The following MYO16 variants were observed in gnomAD, a reference collection of about 807,000 sequenced individuals.
MYO16 encodes unconventional myosin-XVI.
MYO16 carries 94 observed loss-of-function variants against 205.3 expected under a neutral mutation model. The ratio of observed to expected loss-of-function variants is 0.46; its 90% CI spans 0.39 to 0.54. MYO16 has a LOEUF of 0.54. MYO16 is among the 20% of genes least tolerant of loss of function. The pLI is 0.00. For missense variants in MYO16, 2,315 were observed against 2,387.5 expected, an observed-to-expected ratio of 0.97 and a Z score of 0.63; for synonymous variants, 988 against 954.0, an observed-to-expected ratio of 1.04 and a Z score of -0.66.
At chr13:108,892,736 A>G (rs764570152) in intron 14 of MYO16, among the ~76,000 whole-genome samples, 4 of 152,244 alleles carry the variant, frequency 2.6e-5, no homozygotes, top group Non-Finnish European at 4.4e-5. Context: ...AAAAGGAACA[A>G]TAGTTTCCCC....
the MYO16 span, among the ~76,000 whole-genome samples, chr13:108,527,069 C>T: frequency 6.6e-5 from 10 of 152,268 alleles, no homozygotes; most frequent in Non-Finnish European, 1.5e-4. Context: ...AGTTAATTAT[C>T]ATGAGGTTGG....
intron 14 of MYO16, among the ~76,000 whole-genome samples, chr13:108,893,454 G>C (rs1382023262): frequency 6.6e-6 from 1 of 150,626 alleles, no homozygotes; most frequent in Non-Finnish European, 1.5e-5. Context: ...AAGGTACGTT[G>C]TTTTGCTTAA....
chr13:108,998,823 G>A (rs534861455), intron 21 of MYO16, among the ~76,000 whole-genome samples: 90 of 152,298 alleles, frequency 5.9e-4, no homozygotes, highest in African/African-American at 2.1e-3. Flanking sequence ...CTCCATGTTG[G>A]TCTCTCCCTA....
intron 34 of MYO16, among the ~76,000 whole-genome samples, chr13:109,193,539 C>T (rs1234853488): frequency 6.6e-6 from 1 of 152,054 alleles, no homozygotes; most frequent in Non-Finnish European, 1.5e-5. Flanking sequence ...TACTGTTACA[C>T]ACGATTAAAT....
chr13:109,011,360 G>C (rs1165516858), intron 22 of MYO16, among the ~76,000 whole-genome samples: 1 of 152,150 alleles, frequency 6.6e-6, no homozygotes, highest in African/African-American at 2.4e-5. Context: ...CCCACCAGGG[G>C]TGTGCGTGTC....
At chr13:108,729,795 TG>T (rs1417237011) in intron 4 of MYO16, among the ~76,000 whole-genome samples, 3,150 of 152,302 alleles carry the variant, frequency 0.021, 105 homozygotes, top group African/African-American at 0.07. Flanking sequence ...TCCTCCATTC[TG>T]AATGTAGCAG....
chr13:108,988,193 G>T (rs1201210656), intron 20 of MYO16, among the ~76,000 whole-genome samples: 2 of 152,146 alleles, frequency 1.3e-5, no homozygotes, highest in African/African-American at 4.8e-5. Context: ...CTGTGGAATA[G>T]GAGTCAGATA....
chr13:109,137,581 T>C (rs1416750294), intron 31 of MYO16, among the ~76,000 whole-genome samples: 1 of 152,202 alleles, frequency 6.6e-6, no homozygotes, highest in Non-Finnish European at 1.5e-5. Flanking sequence ...TTGGGTACTT[T>C]CTATTCTTAA....
intron 1 of MYO16, among the ~76,000 whole-genome samples, chr13:108,638,100 G>T (rs1041544437): frequency 6.6e-6 from 1 of 152,068 alleles, no homozygotes; most frequent in African/African-American, 2.4e-5. Flanking sequence ...TAAATAGGTT[G>T]TTAAGGGAAA....
intron 9 of MYO16, among the ~76,000 whole-genome samples, chr13:108,836,317 CTT>C (rs1365182889): frequency 9.9e-5 from 15 of 152,226 alleles, no homozygotes; most frequent in Admixed American, 9.8e-4. Context: ...ATTTGGGAAA[CTT>C]AGCCTAGACT....
chr13:109,190,383 A>G (rs1309106742), intron 34 of MYO16, among the ~76,000 whole-genome samples: 1 of 152,220 alleles, frequency 6.6e-6, no homozygotes, highest in South Asian at 2.1e-4. Context: ...CACCTCAGTG[A>G]CATATAATCA....
the MYO16 span, among the ~76,000 whole-genome samples, chr13:108,521,866 G>A: frequency 2.6e-5 from 4 of 152,150 alleles, no homozygotes; most frequent in Non-Finnish European, 5.9e-5. Flanking sequence ...ACTTTCTCTA[G>A]ATGTACATTA....
intron 2 of MYO16, among the ~76,000 whole-genome samples, chr13:108,684,164 G>A (rs9587656): frequency 0.13 from 19,087 of 152,268 alleles, 1,568 homozygotes; most frequent in Non-Finnish European, 0.18. Flanking sequence ...GTGAGCCACC[G>A]CGCCTAGTCA....
chr13:108,980,558 C>T (rs9514949), intron 20 of MYO16, among the ~76,000 whole-genome samples: 6 of 151,952 alleles, frequency 3.9e-5, no homozygotes, highest in African/African-American at 7.2e-5. Context: ...TGTCTGTCCC[C>T]GAAAAAAACA....
chr13:109,167,641 G>C (rs917642715), intron 33 of MYO16, among the ~76,000 whole-genome samples: 108 of 152,134 alleles, frequency 7.1e-4, no homozygotes, highest in Non-Finnish European at 2.9e-5. Flanking sequence ...AAATGAAACA[G>C]AAACCTTTGC....
intron 10 of MYO16, among the ~76,000 whole-genome samples, chr13:108,848,732 T>C (rs933764323): frequency 6.6e-6 from 1 of 152,158 alleles, no homozygotes; most frequent in Admixed American, 6.6e-5. Context: ...GGAGGATTGC[T>C]TGAGTTCAGA....
intron 1 of MYO16, among the ~76,000 whole-genome samples, chr13:108,643,749 C>A (rs542747436): frequency 2.0e-5 from 3 of 152,116 alleles, no homozygotes; most frequent in African/African-American, 7.2e-5. Flanking sequence ...ATGAGTAGAG[C>A]CTTTATAAAT....
At chr13:109,128,754 T>G (rs1467369153) in intron 31 of MYO16, among the ~76,000 whole-genome samples, 1 of 151,136 alleles carries the variant, frequency 6.6e-6, no homozygotes, top group African/African-American at 2.4e-5. Flanking sequence ...GAGCACTTAG[T>G]GTCCACTTTT....
chr13:108,565,102 TC>T, the MYO16 span, among the ~76,000 whole-genome samples: 1 of 152,204 alleles, frequency 6.6e-6, no homozygotes, highest in Non-Finnish European at 1.5e-5. Flanking sequence ...CCAGCTTTAT[TC>T]TTTTTCCTCA....
Sources: allele counts gnomAD v4.1 joint callset (sites outside exome capture counted in the v4.1 genomes callset), GRCh38; gene constraint gnomAD v4.1.1; transcripts MANE v1.5; gene names NCBI Gene and HGNC (gene_info 2026-07-23, HGNC 2026-07-21).